CALN1: variants seen among roughly 807,000 people sequenced by gnomAD.
CALN1 encodes the protein calcium-binding protein 8.
CALN1 carries 17 observed loss-of-function variants against 30.6 expected under a neutral mutation model. That is an observed-to-expected ratio of 0.56 (90% CI 0.38 to 0.83). CALN1 has a LOEUF of 0.83. CALN1 is among the 40% of genes least tolerant of loss of function. The pLI is 0.00. For missense variants in CALN1, 291 were observed against 354.9 expected (o/e 0.82, Z 1.45); for synonymous variants, 156 against 131.4 (o/e 1.19, Z -1.28).
chr7:72,141,258 C>T (rs1236245720), intron 3 of CALN1, among the ~76,000 whole-genome samples: 2 of 152,016 alleles, frequency 1.3e-5, no homozygotes, highest in African/African-American at 2.4e-5. Context: ...CACCACTGTA[C>T]TCCAGCCTAA....
At chr7:72,231,827 C>T (rs1037282093) in intron 3 of CALN1, among the ~76,000 whole-genome samples, 3 of 152,110 alleles carry the variant, frequency 2.0e-5, no homozygotes, top group Non-Finnish European at 4.4e-5. Context: ...CCTGGGCTGT[C>T]AGGGTAAGAG....
chr7:71,974,866 T>C (rs1177040281), intron 5 of CALN1, among the ~76,000 whole-genome samples: 1 of 152,118 alleles, frequency 6.6e-6, no homozygotes, highest in Non-Finnish European at 1.5e-5. Context: ...GATTAGCAAT[T>C]AGGTTGGAAG....
chr7:72,247,022 G>A (rs554630216), intron 3 of CALN1, among the ~76,000 whole-genome samples: 4 of 151,894 alleles, frequency 2.6e-5, no homozygotes, highest in African/African-American at 9.7e-5. Flanking sequence ...CCGAAGTGCT[G>A]GGATTACAGG....
At chr7:71,972,871 G>C (rs1240432893) in intron 5 of CALN1, among the ~76,000 whole-genome samples, 1 of 152,100 alleles carries the variant, frequency 6.6e-6, no homozygotes, top group African/African-American at 2.4e-5. Flanking sequence ...GTGATCTCTT[G>C]CGATCTTTTG....
intron 3 of CALN1, among the ~76,000 whole-genome samples, chr7:72,215,178 A>G (rs563470260): frequency 1.3e-5 from 2 of 152,254 alleles, no homozygotes; most frequent in South Asian, 2.1e-4. Flanking sequence ...ACATGCTAAC[A>G]TCAATGCATG....
rs1169641369 is a variant in CALN1, at chr7:71,894,987, CT to C, written c.502-84496del. 5.3e-5 allele frequency among the ~76,000 whole-genome samples: 8 copies of C among 152,180 alleles called. 1 individual carries two copies. The East Asian group carries it at 1.5e-3, about 29-fold the overall frequency. On this transcript the variant is annotated intron_variant, in intron 5 of 6. Transcript: ENST00000395275. ...TTCTTTTTTTGGAGACAGGGTCTTG[CT>C]CTGTTGCCCAGTCTGGAGTGCAGTG...
intron 3 of CALN1, among the ~76,000 whole-genome samples, chr7:72,277,539 T>A (rs1045443609): frequency 1.3e-5 from 2 of 152,212 alleles, no homozygotes; most frequent in Non-Finnish European, 2.9e-5. Flanking sequence ...AGACTCTCTT[T>A]GGACCCAGCC....
At chr7:71,823,749 G>T (rs954383934) in intron 5 of CALN1, among the ~76,000 whole-genome samples, 1 of 151,664 alleles carries the variant, frequency 6.6e-6, no homozygotes, top group Admixed American at 6.6e-5. Context: ...TTAATAAAAA[G>T]AAAAGAAAAA....
intron 5 of CALN1, among the ~76,000 whole-genome samples, chr7:71,971,973 GAAAGAAAGAAAGAAAGAAAGAGAA>G (rs1797851953): frequency 1.0e-5 from 1 of 96,870 alleles, no homozygotes; most frequent in East Asian, 3.6e-4. Flanking sequence ...AAGAAAGAAA[GAAAGAAAGAAAGAAAGAAAGAGAA>G]AGAAAGAAAA....
intron 5 of CALN1, among the ~76,000 whole-genome samples, chr7:71,993,119 G>A (rs1007152725): frequency 2.1e-4 from 32 of 151,852 alleles, no homozygotes; most frequent in African/African-American, 7.7e-4. Context: ...CCCTTTTGTA[G>A]CCAGAAGGCA....
chr7:72,213,639 A>C (rs1792570447), intron 3 of CALN1, among the ~76,000 whole-genome samples: 1 of 152,216 alleles, frequency 6.6e-6, no homozygotes, highest in South Asian at 2.1e-4. Context: ...TTTGGGGAAT[A>C]GCATTGCAGA....
intron 5 of CALN1, among the ~76,000 whole-genome samples, chr7:71,826,092 G>A (rs1255414248): frequency 6.7e-6 from 1 of 149,768 alleles, no homozygotes; most frequent in Admixed American, 6.7e-5. Flanking sequence ...AAAACAGTAG[G>A]TGCCAGACTA....
chr7:72,053,469 CTT>C (rs1006069906), intron 4 of CALN1, among the ~76,000 whole-genome samples: 14 of 152,108 alleles, frequency 9.2e-5, no homozygotes, highest in African/African-American at 3.4e-4. Context: ...GTTTTTAGCT[CTT>C]TGAGGAATCG....
chr7:72,406,680 G>A (rs1438973124), intron 1 of CALN1, among the ~76,000 whole-genome samples: 2 of 148,956 alleles, frequency 1.3e-5, no homozygotes, highest in Non-Finnish European at 3.0e-5. Context: ...GCAGTAGCGT[G>A]ATCCCTGCTC....
At chr7:72,239,905 T>A (rs1361340571) in intron 3 of CALN1, among the ~76,000 whole-genome samples, 11 of 152,142 alleles carry the variant, frequency 7.2e-5, no homozygotes, top group Non-Finnish European at 2.9e-5. Flanking sequence ...TCTTGTACAT[T>A]GCATGCCAGC....
intron 5 of CALN1, among the ~76,000 whole-genome samples, chr7:71,922,593 T>C (rs1795009913): frequency 1.4e-5 from 2 of 140,740 alleles, no homozygotes; most frequent in Admixed American, 1.5e-4. Context: ...GAATGTATTA[T>C]ATATAAATAT....
chr7:72,338,479 G>GTA (rs1802211454), intron 2 of CALN1, among the ~76,000 whole-genome samples: 1 of 112,964 alleles, frequency 8.9e-6, no homozygotes, highest in Non-Finnish European at 1.8e-5. Context: ...CAGTGTGTGT[G>GTA]TGTGTGTGTG....
the CALN1 span, among the ~76,000 whole-genome samples, chr7:72,500,925 A>T: frequency 6.6e-6 from 1 of 152,188 alleles, no homozygotes; most frequent in Non-Finnish European, 1.5e-5. Context: ...TCAAAAGAAC[A>T]GTACCTAAAT....
intron 3 of CALN1, among the ~76,000 whole-genome samples, chr7:72,198,437 AG>A (rs1356893771): frequency 6.6e-6 from 1 of 152,232 alleles, no homozygotes; most frequent in Non-Finnish European, 1.5e-5. Flanking sequence ...AAGCCATACC[AG>A]GCTTCTTCCT....
Sources: gnomAD v4.1 joint callset for allele counts (sites outside exome capture counted in the v4.1 genomes callset) on GRCh38, gnomAD v4.1.1 for gene constraint, MANE v1.5 for transcripts, NCBI Gene and HGNC (gene_info 2026-07-23, HGNC 2026-07-21) for gene names.